The following DGLUCY variants were observed in gnomAD, a reference collection of about 807,000 sequenced individuals.
DGLUCY encodes D-glutamate cyclase.
A neutral mutation model predicts 58.5 loss-of-function variants in DGLUCY; 58 were observed. The observed-to-expected ratio is 0.99, with a 90% CI of 0.80 to 1.23. The LOEUF is 1.23. Ranked by LOEUF, DGLUCY falls within the 50% of genes most tolerant of loss-of-function variation. The pLI is 0.00. For synonymous variants in DGLUCY, 325 were observed against 314.1 expected (o/e 1.03, Z -0.37); for missense variants, 779 against 784.7 (o/e 0.99, Z 0.09).
At chr14:91,103,832 A>T (rs540449330), upstream of DGLUCY, among the ~76,000 whole-genome samples, 27 of 152,046 alleles carry the variant, frequency 1.8e-4, no homozygotes, top group African/African-American at 6.3e-4. Flanking sequence ...ACACACATAT[A>T]TATACACACA....
intron 1 of DGLUCY, among the ~76,000 whole-genome samples, chr14:91,116,885 A>G (rs2044991566): frequency 6.6e-6 from 1 of 151,518 alleles, no homozygotes; most frequent in South Asian, 2.1e-4. Context: ...CAGAGGTTGC[A>G]GTGAGCCGAA....
At chr14:91,209,051 C>T (rs7150928) in intron 12 of DGLUCY, among the ~76,000 whole-genome samples, 5,730 of 152,256 alleles carry the variant, frequency 0.038, 160 homozygotes, top group South Asian at 0.11. Flanking sequence ...CAGTGGCTCA[C>T]ACCTGTAATC....
intron 1 of DGLUCY, among the ~76,000 whole-genome samples, chr14:91,127,602 G>T (rs886384559): frequency 3.3e-5 from 5 of 152,234 alleles, no homozygotes; most frequent in African/African-American, 1.2e-4. Context: ...GGCAGGGAAC[G>T]CCGGGCAGAA....
upstream of DGLUCY, among the ~76,000 whole-genome samples, chr14:91,107,422 G>C (rs2044611530): frequency 1.3e-5 from 2 of 152,026 alleles, no homozygotes; most frequent in Non-Finnish European, 2.9e-5. Context: ...GGAGGCTGAG[G>C]CAGGAGAATC....
At chr14:91,081,983 A>G (rs1052189188) in intron 1 of DGLUCY, among the ~76,000 whole-genome samples, 2 of 152,064 alleles carry the variant, frequency 1.3e-5, no homozygotes, top group Non-Finnish European at 2.9e-5. Context: ...AAGGACCTTC[A>G]TGATTACATT....
intron 6 of DGLUCY, chr14:91,173,641 T>A (rs1331372852): frequency 1.6e-6 from 1 of 644,896 alleles, no homozygotes; most frequent in Admixed American, 3.7e-5. Context: ...TAAGCTCCCA[T>A]GGCTTGTCTT....
At chr14:91,197,179 C>G (rs1415076451) in intron 10 of DGLUCY, among the ~76,000 whole-genome samples, 3 of 152,204 alleles carry the variant, frequency 2.0e-5, no homozygotes, top group Non-Finnish European at 4.4e-5. Flanking sequence ...GTTGGCCAGG[C>G]TGGTCTGAAA....
rs141745032 is a variant in DGLUCY at position 91,161,448 on chromosome 14, G to A, written c.103+1051G>A. On this transcript the variant is annotated intron_variant, in intron 3 of 13. Coordinates refer to ENST00000256324, the MANE Select transcript of DGLUCY (RefSeq NM_001102368.3). ...CAATCAAGGTTGGTCTTAGCAGGGC[G>A]CTTCTTCTGTTCCATGTGGTGTCTG... Among the ~76,000 whole-genome samples, 547 of 152,272 alleles carry A rather than the reference G, an allele frequency of 3.6e-3. 6 individuals carry two copies. The highest frequency in any genetic ancestry group is 0.013 in the African/African-American group (521 of 41,560).
rs796941268 is a variant in DGLUCY at position 91,129,585 on chromosome 14, TA to T, written c.-82+15315del. Among the ~76,000 whole-genome samples, 491 of 141,686 alleles carry T rather than the reference TA, an allele frequency of 3.5e-3. 2 individuals are homozygous for T. Among genetic ancestry groups the T allele is most frequent in the Middle Eastern group, 7.1e-3 (2 of 280 alleles). 93.0% of individuals were successfully genotyped at this position (141,686 alleles called of 152,430 possible). On this transcript the variant is annotated intron_variant, in intron 1 of 13. Coordinates refer to ENST00000256324, the MANE Select transcript of DGLUCY (RefSeq NM_001102368.3). ...ACCCCTTCACTACAAAATTAAAAAT[TA>T]AAAAAAAAAAAAGAATGTACTATAT...
chr14:91,095,676 T>C (rs933873525), intron 1 of DGLUCY, among the ~76,000 whole-genome samples: 1 of 152,142 alleles, frequency 6.6e-6, no homozygotes, highest in African/African-American at 2.4e-5. Flanking sequence ...TAGTGTGGGA[T>C]GGGAAGAGAG....
At chr14:91,190,592 C>T (rs913045840) in intron 9 of DGLUCY, among the ~76,000 whole-genome samples, 1 of 152,022 alleles carries the variant, frequency 6.6e-6, no homozygotes, top group Admixed American at 6.6e-5. Flanking sequence ...CTTGGGCTGG[C>T]TGAGGGAAGG....
At chr14:91,199,958 TTTGTTG>T in intron 11 of DGLUCY, 53 bp downstream of exon 11, 1 of 1,604,802 alleles carries the variant, frequency 6.2e-7, no homozygotes, top group East Asian at 2.2e-5. Flanking sequence ...TGAAGTGTCT[TTTGTTG>T]TTGTTGTTGT....
chr14:91,197,373 G>C (rs917016196), intron 10 of DGLUCY, among the ~76,000 whole-genome samples: 1 of 152,172 alleles, frequency 6.6e-6, no homozygotes, highest in East Asian at 1.9e-4. Flanking sequence ...CCAAAGTGCT[G>C]GGATTACAGG....
At chr14:91,173,488 C>A (rs577581173) in intron 6 of DGLUCY, 49 bp downstream of exon 6, 1 of 1,531,796 alleles carries the variant, frequency 6.5e-7, no homozygotes, top group East Asian at 2.3e-5. Context: ...ACATGGGCAA[C>A]CCAGGTCAGT....
chr14:91,135,158 T>G (rs1345481398), intron 1 of DGLUCY, among the ~76,000 whole-genome samples: 1 of 152,022 alleles, frequency 6.6e-6, no homozygotes, highest in Non-Finnish European at 1.5e-5. Flanking sequence ...ACTCCTGAGA[T>G]CAAGCAATCC....
At chr14:91,179,886 C>CTTTTT (rs35580984) in intron 7 of DGLUCY, among the ~76,000 whole-genome samples, 27 of 75,988 alleles carry the variant, frequency 3.6e-4, no homozygotes, top group Non-Finnish European at 4.0e-4. Context: ...ATGCTAAACA[C>CTTTTT]TTTTTTTTTT....
chr14:91,178,000 C>T (rs182647882), intron 7 of DGLUCY, among the ~76,000 whole-genome samples: 381 of 152,346 alleles, frequency 2.5e-3, no homozygotes, highest in African/African-American at 8.5e-3. Flanking sequence ...GTGGCCTCAC[C>T]GCTTTCCCAC....
chr14:91,142,824 CACA>C (rs2140261222), intron 1 of DGLUCY, among the ~76,000 whole-genome samples: 2 of 135,990 alleles, frequency 1.5e-5, no homozygotes, highest in African/African-American at 5.4e-5. Flanking sequence ...ACACACACAA[CACA>C]CCATCTCTAC....
At chr14:91,155,674 T>G (rs1387518239) in intron 1 of DGLUCY, among the ~76,000 whole-genome samples, 1 of 152,068 alleles carries the variant, frequency 6.6e-6, no homozygotes, top group Non-Finnish European at 1.5e-5. Context: ...TGCTCACCTG[T>G]AGTCCCAGCT....
Sources: gnomAD v4.1 joint callset for allele counts (sites outside exome capture counted in the v4.1 genomes callset) on GRCh38, gnomAD v4.1.1 for gene constraint, MANE v1.5 for transcripts, NCBI Gene and HGNC (gene_info 2026-07-23, HGNC 2026-07-21) for gene names.